The following GABRG3 variants were observed in gnomAD, a reference collection of about 807,000 sequenced individuals.
GABRG3 encodes gamma-aminobutyric acid receptor subunit gamma-3.
GABRG3 carries 25 observed loss-of-function variants against 48.8 expected under a neutral mutation model. The ratio of observed to expected loss-of-function variants is 0.51; its 90% CI spans 0.37 to 0.72. The LOEUF (loss-of-function observed/expected upper bound fraction) is 0.72, where lower values mean the gene tolerates loss of function less well. Ranked by LOEUF, GABRG3 falls within the 30% of genes least tolerant of loss-of-function variation. GABRG3 has a pLI of 0.00. For synonymous variants in GABRG3, 227 were observed against 217.6 expected, an observed-to-expected ratio of 1.04 and a Z score of -0.38; for missense variants, 394 against 577.9, an observed-to-expected ratio of 0.68 and a Z score of 3.26.
intron 3 of GABRG3, among the ~76,000 whole-genome samples, chr15:27,265,186 C>A (rs1439585589): frequency 1.3e-5 from 2 of 152,128 alleles, no homozygotes; most frequent in African/African-American, 4.8e-5. Context: ...CCCTAATTGC[C>A]AATCTCACCA....
At position 27,228,085 on chromosome 15, in the gene GABRG3, T is replaced by A. The variant is rs190042195; in HGVS notation, c.271-98724T>A. ...TACATAATTTTGTTATTTTAATTTTTATTTTAGGTTTGGGGGTATATGTGA... is the reference window on the plus strand; with the variant it reads ...TACATAATTTTGTTATTTTAATTTTAATTTTAGGTTTGGGGGTATATGTGA... On this transcript the variant is annotated intron_variant, in intron 3 of 9. Coordinates refer to ENST00000615808, the MANE Select transcript of GABRG3 (RefSeq NM_033223.5). Among the ~76,000 whole-genome samples, 482 of 152,334 alleles carry A rather than the reference T, an allele frequency of 3.2e-3. 23 individuals are homozygous for A. The highest frequency in any genetic ancestry group is 0.027 in the Admixed American group (415 of 15,298).
intron 3 of GABRG3, among the ~76,000 whole-genome samples, chr15:27,308,311 T>TACGTTTATATATAAAC (rs371774591): frequency 7.7e-5 from 10 of 129,810 alleles, no homozygotes; most frequent in African/African-American, 3.3e-4. Context: ...CATATAAACA[T>TACGTTTATATATAAAC]ATATAAACAT....
intron 6 of GABRG3, among the ~76,000 whole-genome samples, chr15:27,496,845 A>T (rs930421981): frequency 7.2e-5 from 11 of 152,214 alleles, no homozygotes; most frequent in African/African-American, 2.7e-4. Flanking sequence ...TGTGGCTTAG[A>T]CAATGTTTAT....
rs577762448 is a variant in GABRG3, at chr15:27,538,027, G to T, written c.*5146G>T. 6.6e-6 allele frequency: 1 copy of T among 152,002 alleles called. No homozygotes were observed. The highest frequency in any genetic ancestry group is 1.5e-5 in the Non-Finnish European group (1 of 68,020). The allele number at this position is 152,002 out of a possible 1,614,324, so 9.4% of individuals were successfully genotyped here. A position where few individuals can be genotyped will look rare whatever the true frequency, so the allele number is the denominator to read the frequency against. On this transcript the variant is annotated 3_prime_UTR_variant, in exon 10 of 10. Transcript: ENST00000615808. ...GCTAATTTTTTATATTTTTAGTAGA[G>T]ATGGGCTTTCACCATGTTGGCCAGG...
At chr15:27,318,376 C>T (rs1396751524) in intron 3 of GABRG3, among the ~76,000 whole-genome samples, 2 of 152,082 alleles carry the variant, frequency 1.3e-5, no homozygotes, top group Admixed American at 6.5e-5. Context: ...ATCATTAATA[C>T]TAAGGGTCCC....
At chr15:27,487,803 G>C (rs1023259435) in intron 6 of GABRG3, among the ~76,000 whole-genome samples, 1 of 152,148 alleles carries the variant, frequency 6.6e-6, no homozygotes, top group African/African-American at 2.4e-5. Context: ...TTATTGTTGA[G>C]ATTTAGGGCT....
Position 27,062,433 on chromosome 15 carries a change from C to CT in GABRG3, c.270+35613dup, listed in dbSNP as rs1555401166. 7.3e-3 allele frequency among the ~76,000 whole-genome samples: 197 copies of CT among 27,136 alleles called. 1 individual carries two copies. Among genetic ancestry groups the CT allele is most frequent in the Non-Finnish European group, 0.019 (162 of 8,318 alleles). The allele number at this position is 27,136 out of a possible 152,430, so 17.8% of individuals were successfully genotyped here. A position where few individuals can be genotyped will look rare whatever the true frequency, so the allele number is the denominator to read the frequency against. Reference sequence around the variant, plus strand: ...CCAACATGGTGAAACTCCATCTCTACTAAAAAAAAAAAAAAAAAAAAAAAA... The same window carrying CT: ...CCAACATGGTGAAACTCCATCTCTACTTAAAAAAAAAAAAAAAAAAAAAAAA... On this transcript the variant is annotated intron_variant, in intron 3 of 9. Transcript: ENST00000615808.
chr15:27,026,251 G>A (rs1337996204), intron 2 of GABRG3, among the ~76,000 whole-genome samples: 5 of 152,154 alleles, frequency 3.3e-5, no homozygotes, highest in African/African-American at 1.2e-4. Flanking sequence ...TTTTATTGGT[G>A]TATAGACTCA....
At chr15:27,526,580 T>C (rs2150864506) in intron 7 of GABRG3, among the ~76,000 whole-genome samples, 1 of 152,164 alleles carries the variant, frequency 6.6e-6, no homozygotes, top group East Asian at 1.9e-4. Context: ...CTTCATTTTA[T>C]TCTTATGTTC....
chr15:27,509,457 G>A (rs1481152156), intron 6 of GABRG3, among the ~76,000 whole-genome samples: 2 of 151,788 alleles, frequency 1.3e-5, no homozygotes, highest in African/African-American at 2.4e-5. Flanking sequence ...TTCTTCTTTT[G>A]GAATTCAAAT....
chr15:27,257,834 T>C (rs1595618265), intron 3 of GABRG3, among the ~76,000 whole-genome samples: 1 of 151,878 alleles, frequency 6.6e-6, no homozygotes, highest in East Asian at 1.9e-4. Flanking sequence ...TTTTTAACTT[T>C]TTATAGAGAT....
chr15:27,065,052 T>C (rs979629077), intron 3 of GABRG3, among the ~76,000 whole-genome samples: 4 of 152,146 alleles, frequency 2.6e-5, no homozygotes, highest in African/African-American at 4.8e-5. Context: ...TGCCGTGTGG[T>C]GGGCTCCTGC....
At chr15:27,006,103 T>C (rs1218188861) in intron 2 of GABRG3, among the ~76,000 whole-genome samples, 1 of 152,212 alleles carries the variant, frequency 6.6e-6, no homozygotes, top group Non-Finnish European at 1.5e-5. Context: ...GTTTGTGGAC[T>C]TTATCTAGAC....
At chr15:27,066,968 G>A (rs930646930) in intron 3 of GABRG3, among the ~76,000 whole-genome samples, 67 of 152,204 alleles carry the variant, frequency 4.4e-4, no homozygotes, top group African/African-American at 1.6e-3. Context: ...ACTTTGAGGG[G>A]CATGGTGGGA....
chr15:27,031,619 TAC>T (rs1896088355), intron 3 of GABRG3, among the ~76,000 whole-genome samples: 1 of 152,196 alleles, frequency 6.6e-6, no homozygotes, highest in African/African-American at 2.4e-5. Flanking sequence ...ATAGATCACC[TAC>T]ACATTTAAAA....
chr15:27,095,336 G>C (rs2140760269), intron 3 of GABRG3, among the ~76,000 whole-genome samples: 1 of 152,326 alleles, frequency 6.6e-6, no homozygotes, highest in South Asian at 2.1e-4. Context: ...TGCATATGCA[G>C]ACACACACAT....
At chr15:27,298,646 C>CTTAAT (rs1595650665) in intron 3 of GABRG3, among the ~76,000 whole-genome samples, 1 of 151,368 alleles carries the variant, frequency 6.6e-6, no homozygotes, top group African/African-American at 2.5e-5. Flanking sequence ...CAATTTTAAG[C>CTTAAT]TTAATTTTTA....
chr15:27,227,311 C>A (rs867247644), intron 3 of GABRG3, among the ~76,000 whole-genome samples: 1 of 152,014 alleles, frequency 6.6e-6, no homozygotes, highest in Non-Finnish European at 1.5e-5. Context: ...GACAACATGG[C>A]GAAACCCTGT....
At chr15:27,304,365 A>T (rs986246476) in intron 3 of GABRG3, among the ~76,000 whole-genome samples, 1 of 152,048 alleles carries the variant, frequency 6.6e-6, no homozygotes, top group African/African-American at 2.4e-5. Flanking sequence ...AAATCACAGG[A>T]TACAAGATCA....
Sources: allele counts gnomAD v4.1 joint callset (sites outside exome capture counted in the v4.1 genomes callset), GRCh38; gene constraint gnomAD v4.1.1; transcripts MANE v1.5; gene names NCBI Gene and HGNC (gene_info 2026-07-23, HGNC 2026-07-21).